Variants in GRID2 observed in about 807,000 individuals in gnomAD.
GRID2 encodes the protein glutamate receptor ionotropic, delta-2.
GRID2 carries 33 observed loss-of-function variants against 114.8 expected under a neutral mutation model. That is an observed-to-expected ratio of 0.29 (90% CI 0.22 to 0.38). GRID2 has a LOEUF of 0.38. Among genes scored for constraint, GRID2 ranks in the 10% least tolerant of loss-of-function variants. The pLI is 1.00. For missense variants in GRID2, 1,184 were observed against 1,257.7 expected (o/e 0.94, Z 0.89); for synonymous variants, 505 against 449.9 (o/e 1.12, Z -1.55).
chr4:92,350,334 AT>A (rs1228609787), intron 1 of GRID2, among the ~76,000 whole-genome samples: 3 of 151,858 alleles, frequency 2.0e-5, no homozygotes, highest in Non-Finnish European at 4.4e-5. Context: ...CTCTTTCTTT[AT>A]AAAAGAATTT....
chr4:92,952,651 A>T (rs2149136712), intron 2 of GRID2, among the ~76,000 whole-genome samples: 1 of 152,328 alleles, frequency 6.6e-6, no homozygotes, highest in African/African-American at 2.4e-5. Flanking sequence ...AACATAACTG[A>T]ATTGCCTAAC....
chr4:93,365,801 A>T (rs1762283283), intron 8 of GRID2, among the ~76,000 whole-genome samples: 1 of 152,190 alleles, frequency 6.6e-6, no homozygotes, highest in African/African-American at 2.4e-5. Context: ...GGGACCCCAA[A>T]TGGAGGGACT....
In GRID2 at chr4:92,379,855, G is replaced by A. The variant is rs894822876; in HGVS notation, c.88+75111G>A. ...TAGCTAATAAAGTTTCATTTATTCA[G>A]TGTCTTTTAAATTATATATAGGTAT... On this transcript the variant is annotated intron_variant, in intron 1 of 15. Coordinates refer to ENST00000282020, the MANE Select transcript of GRID2 (RefSeq NM_001510.4). Among the ~76,000 whole-genome samples, 3 of 152,020 alleles carry A rather than the reference G, an allele frequency of 2.0e-5. No individual in the cohort carries two copies. In the East Asian group the frequency reaches 5.8e-4, roughly 29 times the overall value.
chr4:92,405,329 TGTTA>T lies in GRID2; in HGVS notation c.88+100590_88+100593del, dbSNP rs1371006704. Among the ~76,000 whole-genome samples, 6 of 152,324 alleles carry T rather than the reference TGTTA, an allele frequency of 3.9e-5. No homozygotes were observed. In the Middle Eastern group the frequency reaches 0.01, roughly 259 times the overall value. ...TATTAATGCACACAAAATGTTAAAA[TGTTA>T]GTTATATTTATTCATAAAATTTATT... On this transcript the variant is annotated intron_variant, in intron 1 of 15. Transcript: ENST00000282020.
rs1742392491 is a variant in GRID2 at position 92,835,510 on chromosome 4, G to T, written c.244+245224G>T. Among the ~76,000 whole-genome samples, 2 of 152,104 alleles carry T rather than the reference G, an allele frequency of 1.3e-5. 1 individual carries two copies. The highest frequency in any genetic ancestry group is 4.1e-4 in the South Asian group (2 of 4,832). ...TGCTTATGCTGTTTCTCATACGTAT[G>T]AGGCTGTACATTAGTTTTACCTACT... On this transcript the variant is annotated intron_variant, in intron 2 of 15. Coordinates refer to ENST00000282020, the MANE Select transcript of GRID2 (RefSeq NM_001510.4).
intron 2 of GRID2, among the ~76,000 whole-genome samples, chr4:92,662,969 T>A (rs1399253252): frequency 6.6e-6 from 1 of 150,894 alleles, no homozygotes; most frequent in African/African-American, 2.4e-5. Flanking sequence ...ATTTTAAGTT[T>A]GCTAGAGAAT....
At chr4:93,068,012 G>A (rs189393530) in intron 2 of GRID2, among the ~76,000 whole-genome samples, 1 of 152,072 alleles carries the variant, frequency 6.6e-6, no homozygotes, top group East Asian at 1.9e-4. Flanking sequence ...AGAGTGAGAA[G>A]ACCTGGTATT....
intron 4 of GRID2, among the ~76,000 whole-genome samples, chr4:93,161,656 G>A (rs1025685176): frequency 1.3e-5 from 2 of 151,466 alleles, no homozygotes; most frequent in Non-Finnish European, 3.0e-5. Flanking sequence ...AAGATTTTCA[G>A]GGTAAAAAAA....
rs775774549 is a variant in GRID2, at chr4:93,772,467, G to T, written c.2993G>T (p.Gly998Val). ...ACTCCTACCCTGGGGCTCAATCTGG[G>T]TAATGATCCAGACCGAGGCACCTCC... ...QPTPTLGLNL[G>V]NDPDRGTSI Residue 998 changes from glycine (G) to valine (V), a missense_variant, in exon 16 of 16, where the codon GGT becomes GTT. Around this residue, in one of 3 missense-constraint regions of GRID2, gnomAD observed 717 missense variants for 796.9 expected, o/e 0.90. Coordinates refer to ENST00000282020, the MANE Select transcript of GRID2 (RefSeq NM_001510.4). 2 of 1,606,706 alleles carry T rather than the reference G, an allele frequency of 1.2e-6. No homozygotes were observed. The highest frequency in any genetic ancestry group is 1.7e-6 in the Non-Finnish European group (2 of 1,175,718).
At chr4:92,325,376 A>T (rs1423205629) in intron 1 of GRID2, among the ~76,000 whole-genome samples, 3 of 151,906 alleles carry the variant, frequency 2.0e-5, no homozygotes, top group African/African-American at 7.2e-5. Flanking sequence ...ATTTTCAGTC[A>T]GTATTAGCTT....
chr4:93,031,032 A>ATTTT (rs576187018), intron 2 of GRID2, among the ~76,000 whole-genome samples: 1 of 106,208 alleles, frequency 9.4e-6, no homozygotes, highest in Non-Finnish European at 1.8e-5. Context: ...TCCAATCTCC[A>ATTTT]TTTTTTTTTT....
At chr4:92,591,408 T>G (rs2149211886) in intron 2 of GRID2, among the ~76,000 whole-genome samples, 1 of 152,292 alleles carries the variant, frequency 6.6e-6, no homozygotes, top group South Asian at 2.1e-4. Context: ...GAAACTAGTC[T>G]ACCTTATTTT....
At chr4:93,751,222 T>G (rs1218605111) in intron 14 of GRID2, among the ~76,000 whole-genome samples, 1 of 152,230 alleles carries the variant, frequency 6.6e-6, no homozygotes, top group East Asian at 1.9e-4. Flanking sequence ...TTTTGCCAAG[T>G]ATAAAATTTC....
chr4:93,131,621 T>A (rs1503215), intron 4 of GRID2, among the ~76,000 whole-genome samples: 81,573 of 150,846 alleles, frequency 0.54, 23,515 homozygotes, highest in African/African-American at 0.71. Context: ...AATTTTTTTA[T>A]TTTTATTTTT....
Position 92,424,953 on chromosome 4 carries a change from ACTAT to A in GRID2, c.88+120213_88+120216del, listed in dbSNP as rs377525991. On this transcript the variant is annotated intron_variant, in intron 1 of 15. Coordinates refer to ENST00000282020, the MANE Select transcript of GRID2 (RefSeq NM_001510.4). ...GAATGGAAAAAACATAGTTCTCATG[ACTAT>A]CTAAATTATATTTCAAATGTTAAAA... is the stretch of plus-strand genomic sequence containing the variant. Among the ~76,000 whole-genome samples the A allele has an allele frequency of 9.5e-3, 1,438 of 152,122 alleles. 8 individuals are homozygous for A. The highest frequency in any genetic ancestry group is 0.051 in the Middle Eastern group (15 of 294).
intron 2 of GRID2, among the ~76,000 whole-genome samples, chr4:92,971,013 T>TA (rs1560757220): frequency 6.6e-6 from 1 of 151,692 alleles, no homozygotes; most frequent in African/African-American, 2.4e-5. Flanking sequence ...AAAGCTTTTT[T>TA]TAAAAAAAAA....
chr4:92,469,267 C>G (rs931214402), intron 1 of GRID2, among the ~76,000 whole-genome samples: 11 of 152,014 alleles, frequency 7.2e-5, no homozygotes, highest in African/African-American at 2.2e-4. Context: ...AAGATAACTT[C>G]CACTTCCTGT....
intron 13 of GRID2, among the ~76,000 whole-genome samples, chr4:93,523,669 C>G (rs1258389393): frequency 6.6e-6 from 1 of 152,022 alleles, no homozygotes; most frequent in Non-Finnish European, 1.5e-5. Context: ...GAGCATATTG[C>G]CAGGTGCTTA....
intron 2 of GRID2, among the ~76,000 whole-genome samples, chr4:92,944,448 C>T (rs187256754): frequency 6.6e-6 from 1 of 152,174 alleles, no homozygotes; most frequent in African/African-American, 2.4e-5. Context: ...GTGGGAGTGA[C>T]CCGATTTTCC....
Sources: gnomAD v4.1 joint callset for allele counts (sites outside exome capture counted in the v4.1 genomes callset) on GRCh38, gnomAD v4.1.1 for gene constraint, gnomAD v4.1.1 regional missense constraint, MANE v1.5 for transcripts, NCBI Gene and HGNC (gene_info 2026-07-23, HGNC 2026-07-21) for gene names.